RLF: variants seen among roughly 807,000 people sequenced by gnomAD.
The protein encoded by RLF is RLF zinc finger.
RLF carries 7 observed loss-of-function variants against 162.9 expected under a neutral mutation model. That is an observed-to-expected ratio of 0.04 (90% CI 0.02 to 0.08). The LOEUF (loss-of-function observed/expected upper bound fraction) is 0.08, where lower values mean the gene tolerates loss of function less well. RLF is among the 10% of genes least tolerant of loss of function. The probability of loss-of-function intolerance (pLI) is 1.00; values close to 1 mark genes in which losing one functional copy is unlikely to be tolerated. For synonymous variants in RLF, 782 were observed against 791.5 expected, an observed-to-expected ratio of 0.99 and a Z score of 0.20; for missense variants, 1,664 against 2,244.7, an observed-to-expected ratio of 0.74 and a Z score of 5.23.
chr1:40,164,569 A>G (rs1299991013), intron 1 of RLF, among the ~76,000 whole-genome samples: 7 of 152,210 alleles, frequency 4.6e-5, no homozygotes, highest in Non-Finnish European at 1.0e-4. Flanking sequence ...TTCTGAAACC[A>G]CTGCCAGACA....
chr1:40,203,803 G>A (rs757763152), intron 5 of RLF, among the ~76,000 whole-genome samples: 6 of 151,982 alleles, frequency 3.9e-5, no homozygotes, highest in Non-Finnish European at 7.4e-5. Context: ...GTTTTATGCT[G>A]TAGTAATTCT....
At position 40,189,078 on chromosome 1, in the gene RLF, C is replaced by G; in HGVS notation, c.261C>G (p.Asn87Lys). The G allele has an allele frequency of 6.2e-7, 1 of 1,602,876 alleles. No homozygotes were observed. Among genetic ancestry groups the G allele is most frequent in the Non-Finnish European group, 8.5e-7 (1 of 1,173,602 alleles). ...FCQTLLQYAS[N>K]KNASEHIVYL... The stretch of plus-strand genomic sequence containing the variant: ...AGACCTTATTGCAATATGCAAGCAA[C>G]AAGAATGCATCAGAACATATTGTGT... The change falls in exon 2 of 8, where the codon AAC becomes AAG. Residue 87 changes from asparagine to lysine, a missense_variant. Physicochemically the swap from Asn to Lys is moderately conservative, Grantham distance 94. Coordinates refer to ENST00000372771, the MANE Select transcript of RLF (RefSeq NM_012421.4).
intron 4 of RLF, 79 bp from the exon 5 acceptor site, chr1:40,202,333 G>T (rs1490158113): frequency 4.6e-6 from 4 of 876,724 alleles, no homozygotes; most frequent in African/African-American, 3.6e-5. Context: ...CAAATAAAAA[G>T]ATCTCAAACT....
At chr1:40,235,124 T>G (rs1320551909) in intron 7 of RLF, among the ~76,000 whole-genome samples, 3 of 146,644 alleles carry the variant, frequency 2.0e-5, no homozygotes, top group African/African-American at 7.7e-5. Context: ...TGCAATGGTG[T>G]GATCTTGGCT....
At chr1:40,233,420 G>A (rs1184399541) in intron 7 of RLF, among the ~76,000 whole-genome samples, 1 of 152,138 alleles carries the variant, frequency 6.6e-6, no homozygotes, top group Non-Finnish European at 1.5e-5. Context: ...CCACCTCACA[G>A]TCTTCCAAAA....
At chr1:40,200,567 C>T (rs1398798063) in intron 4 of RLF, among the ~76,000 whole-genome samples, 1 of 151,840 alleles carries the variant, frequency 6.6e-6, no homozygotes, top group Non-Finnish European at 1.5e-5. Context: ...GATAGAATAA[C>T]CTGTATCATA....
chr1:40,223,038 T>C (rs1171962211), intron 6 of RLF, among the ~76,000 whole-genome samples: 4 of 152,180 alleles, frequency 2.6e-5, no homozygotes. Context: ...TTCTGGGTAG[T>C]CACTCCCCAT....
At chr1:40,192,453 A>G (rs550350990) in intron 3 of RLF, among the ~76,000 whole-genome samples, 1 of 152,178 alleles carries the variant, frequency 6.6e-6, no homozygotes, top group Non-Finnish European at 1.5e-5. Flanking sequence ...TATCGTGTTG[A>G]TGCTTACAAA....
chr1:40,218,644 C>T (rs1157548859), intron 5 of RLF, among the ~76,000 whole-genome samples: 2 of 152,096 alleles, frequency 1.3e-5, no homozygotes, highest in African/African-American at 2.4e-5. Flanking sequence ...GCTATCTCCC[C>T]GAGAATTCTT....
intron 1 of RLF, among the ~76,000 whole-genome samples, chr1:40,169,243 T>C (rs1642206507): frequency 6.6e-6 from 1 of 152,178 alleles, no homozygotes; most frequent in African/African-American, 2.4e-5. Context: ...GTGAGTTCTT[T>C]AGACTGTAGA....
chr1:40,208,187 T>C (rs1442750258), intron 5 of RLF, among the ~76,000 whole-genome samples: 1 of 152,192 alleles, frequency 6.6e-6, no homozygotes, highest in Admixed American at 6.5e-5. Flanking sequence ...GACAGAATGC[T>C]AGTCATCTTT....
chr1:40,225,878 CAAAAAAAAAAAA>C (rs71577617), intron 6 of RLF, among the ~76,000 whole-genome samples: 1 of 14,782 alleles, frequency 6.8e-5, no homozygotes, highest in Non-Finnish European at 1.3e-4. Flanking sequence ...GACTCCGTCG[CAAAAAAAAAAAA>C]AAAAAAAAAA....
At chr1:40,174,745 A>G (rs1241273543) in intron 1 of RLF, among the ~76,000 whole-genome samples, 1 of 152,220 alleles carries the variant, frequency 6.6e-6, no homozygotes, top group Non-Finnish European at 1.5e-5. Context: ...CTTCTCCCTG[A>G]TGGATTATTA....
Position 40,200,867 on chromosome 1 carries a change from T to TACACAC in RLF, c.608-1478_608-1473dup, listed in dbSNP as rs71060356. Among the ~76,000 whole-genome samples, 286 of 34,852 alleles carry TACACAC rather than the reference T, an allele frequency of 8.2e-3. 12 individuals are homozygous for TACACAC. Among genetic ancestry groups the TACACAC allele is most frequent in the Admixed American group, 0.013 (35 of 2,618 alleles). 22.9% of individuals were successfully genotyped at this position (34,852 alleles called of 152,430 possible). On this transcript the variant is annotated intron_variant, in intron 4 of 7. Transcript: ENST00000372771. ...TCCTTAGTATAAACCATTGCTACTC[T>TACACAC]ACACACACACACACACACACACACA... is the stretch of plus-strand genomic sequence containing the variant.
intron 5 of RLF, among the ~76,000 whole-genome samples, chr1:40,219,440 C>T (rs1642964865): frequency 6.6e-6 from 1 of 152,090 alleles, no homozygotes; most frequent in African/African-American, 2.4e-5. Flanking sequence ...TATGAAAAAA[C>T]TCTGGCTTCA....
At chr1:40,202,319 A>T (rs983723064) in intron 4 of RLF, 93 bp from the exon 5 acceptor site, 1 of 795,612 alleles carries the variant, frequency 1.3e-6, no homozygotes, top group Non-Finnish European at 1.9e-6. Flanking sequence ...TATTAACTAA[A>T]AATCAAATAA....
rs765868077 is a variant in RLF, at chr1:40,237,317, G to A, written c.2615G>A (p.Cys872Tyr). Reference sequence around the variant, plus strand: ...TCACATTTACCTGAAGATCTTTTCTGTGCAGAATCAGCTAATTCTCAAATA... The same window carrying A: ...TCACATTTACCTGAAGATCTTTTCTATGCAGAATCAGCTAATTCTCAAATA... ...DKSHLPEDLF[C>Y]AESANSQIDT... The change falls in exon 8 of 8, where the codon TGT becomes TAT. Residue 872 changes from cysteine (C) to tyrosine (Y), a missense_variant. Cys to Tyr is a radical substitution (Grantham distance 194, BLOSUM62 -2). Coordinates refer to ENST00000372771, the MANE Select transcript of RLF (RefSeq NM_012421.4). The surrounding 1 kb of genome is among the most constrained non-coding windows in gnomAD (Gnocchi z 4.4). The A allele has an allele frequency of 3.3e-5, 53 of 1,613,850 alleles. 1 individual carries two copies. In the Admixed American group the frequency reaches 8.0e-4, roughly 24 times the overall value.
chr1:40,201,721 G>A (rs910596010), intron 4 of RLF, among the ~76,000 whole-genome samples: 2 of 151,720 alleles, frequency 1.3e-5, no homozygotes, highest in Non-Finnish European at 2.9e-5. Context: ...GAAGTACTGA[G>A]CTTCAGTACT....
At chr1:40,185,206 A>T (rs61780444) in intron 1 of RLF, among the ~76,000 whole-genome samples, 7,899 of 151,892 alleles carry the variant, frequency 0.052, 599 homozygotes, top group African/African-American at 0.17. Flanking sequence ...GCTGTGATTG[A>T]ACCACTGAAC....
Sources: gnomAD v4.1 joint callset for allele counts (sites outside exome capture counted in the v4.1 genomes callset) on GRCh38, gnomAD v4.1.1 for gene constraint, Gnocchi (gnomAD v3.1) non-coding constraint, MANE v1.5 for transcripts, NCBI Gene and HGNC (gene_info 2026-07-23, HGNC 2026-07-21) for gene names.